Variants in GTF3C1 observed in about 807,000 individuals in gnomAD.
GTF3C1 encodes general transcription factor IIIC subunit 1, also known as general transcription factor 3C polypeptide 1.
Under a neutral mutation model 226.7 loss-of-function variants are expected in GTF3C1, and 57 were observed. That is an observed-to-expected ratio of 0.25 (90% CI 0.20 to 0.31). GTF3C1 has a LOEUF of 0.31. GTF3C1 is among the 10% of genes least tolerant of loss of function. The pLI, the probability that GTF3C1 is intolerant of heterozygous loss-of-function variation, is 1.00. For missense variants in GTF3C1, 2,217 were observed against 2,776.1 expected, an observed-to-expected ratio of 0.80 and a Z score of 4.53; for synonymous variants, 1,090 against 1,084.8, an observed-to-expected ratio of 1.00 and a Z score of -0.09.
At chr16:27,543,708 AG>A (rs1386740408) in intron 2 of GTF3C1, among the ~76,000 whole-genome samples, 1 of 152,156 alleles carries the variant, frequency 6.6e-6, no homozygotes, top group African/African-American at 2.4e-5. Flanking sequence ...AAGTGGTGGA[AG>A]GAAGTAGGTG....
chr16:27,482,775 G>A (rs946267843), intron 26 of GTF3C1, among the ~76,000 whole-genome samples: 1 of 152,200 alleles, frequency 6.6e-6, no homozygotes, highest in East Asian at 1.9e-4. Context: ...CTGAAGAAAT[G>A]TTCTATTTTC....
intron 9 of GTF3C1, among the ~76,000 whole-genome samples, chr16:27,506,344 T>C (rs745713600): frequency 6.6e-6 from 1 of 152,154 alleles, no homozygotes; most frequent in Non-Finnish European, 1.5e-5. Context: ...TTCTCTGCTG[T>C]CAGGGGCTGT....
chr16:27,508,464 C>G lies in GTF3C1; in HGVS notation c.1242+76G>C, dbSNP rs1303928838. The stretch of plus-strand genomic sequence containing the variant: ...GATGTCAGGCCATCGAGTCTTCTGA[C>G]TGAGATGCTCGTTCTCAAATACACT... On this transcript the variant is annotated intron_variant, in intron 8 of 36. Transcript: ENST00000356183. 3 of 1,156,748 alleles carry G rather than the reference C, an allele frequency of 2.6e-6. No individual in the cohort carries two copies. The Admixed American group carries it at 5.3e-5, about 20-fold the overall frequency. The allele number at this position is 1,156,748 out of a possible 1,614,324, so 71.7% of individuals were successfully genotyped here.
intron 6 of GTF3C1, among the ~76,000 whole-genome samples, chr16:27,522,958 T>TA (rs890585858): frequency 1.3e-5 from 2 of 152,158 alleles, no homozygotes; most frequent in African/African-American, 2.4e-5. Context: ...CTTTTTTTTT[T>TA]AGAGTCACAG....
At position 27,508,585 on chromosome 16, in the gene GTF3C1, T is replaced by C; in HGVS notation, c.1197A>G (p.Glu399=). Residue 399 remains glutamate (E), a synonymous_variant, in exon 8 of 37, where the codon GAA becomes GAG. Transcript: ENST00000356183. The part of the protein sequence containing the change: ...IRVAMNVGKL[E]ARMLCRLLQR... ...GAAGAAGTCGGCACAGCATTCTTGCTTCTAGTTTTCCCACATTCATAGCCA... is the reference window on the plus strand; with the variant it reads ...GAAGAAGTCGGCACAGCATTCTTGCCTCTAGTTTTCCCACATTCATAGCCA... The C allele has an allele frequency of 6.2e-7, 1 of 1,614,200 alleles. No homozygotes were observed. Among genetic ancestry groups the C allele is most frequent in the Non-Finnish European group, 8.5e-7 (1 of 1,180,012 alleles).
chr16:27,540,706 C>T (rs1289450415), intron 2 of GTF3C1, among the ~76,000 whole-genome samples: 1 of 152,198 alleles, frequency 6.6e-6, no homozygotes, highest in Non-Finnish European at 1.5e-5. Context: ...AATATGAGGT[C>T]ATAACTTCTC....
At chr16:27,528,751 T>C (rs1027551986) in intron 5 of GTF3C1, 30 bp from the exon 6 acceptor site, 3 of 1,606,324 alleles carry the variant, frequency 1.9e-6, no homozygotes, top group African/African-American at 1.3e-5. Context: ...AGGCTACTAT[T>C]AGACACAGCA....
chr16:27,489,778 C>T (rs1350519419), intron 19 of GTF3C1, 35 bp from the exon 20 acceptor site: 19 of 1,597,046 alleles, frequency 1.2e-5, no homozygotes, highest in Non-Finnish European at 1.6e-5. Context: ...CCAATCACGC[C>T]TTCCTGCTGC....
intron 4 of GTF3C1, among the ~76,000 whole-genome samples, chr16:27,535,848 CAAA>C (rs879337659): frequency 5.7e-5 from 8 of 139,218 alleles, no homozygotes. Context: ...AACTCCGTCT[CAAA>C]AAAAAAAAAG....
intron 16 of GTF3C1, 68 bp downstream of exon 16, chr16:27,494,695 G>T (rs1403960840): frequency 4.2e-6 from 5 of 1,179,636 alleles, no homozygotes; most frequent in African/African-American, 1.5e-5. Flanking sequence ...CCTTGCCCAG[G>T]TGAGTGTAGG....
rs2087734077 is a variant in GTF3C1 at position 27,463,464 on chromosome 16, A to ACCCTCAAAGT, written c.5924+76_5924+77insACTTTGAGGG. On this transcript the variant is annotated intron_variant, in intron 35 of 36. Transcript: ENST00000356183. The surrounding 1 kb of genome is among the most constrained non-coding windows in gnomAD (Gnocchi z 4.9). The stretch of plus-strand genomic sequence containing the variant: ...GGTACCTGGGGAAAGACCCTCAAAG[A>ACCCTCAAAGT]CCCTCACACAAATCCTTACACTCGG... 1 of 828,728 alleles carries ACCCTCAAAGT rather than the reference A, an allele frequency of 1.2e-6. No homozygotes were observed. The highest frequency in any genetic ancestry group is 1.4e-5 in the South Asian group (1 of 72,088). The allele number at this position is 828,728 out of a possible 1,614,324, so 51.3% of individuals were successfully genotyped here.
chr16:27,495,686 C>T (rs1045699702), intron 14 of GTF3C1, among the ~76,000 whole-genome samples, 194 bp from the exon 15 acceptor site: 2 of 152,176 alleles, frequency 1.3e-5, no homozygotes, highest in East Asian at 1.9e-4. Context: ...GCCCATCAGA[C>T]GAAAACAGCT....
At chr16:27,532,020 A>G (rs1481153990) in intron 5 of GTF3C1, among the ~76,000 whole-genome samples, 1 of 152,224 alleles carries the variant, frequency 6.6e-6, no homozygotes, top group African/African-American at 2.4e-5. Flanking sequence ...AGGTGACAGG[A>G]AGCAGGTGGA....
intron 27 of GTF3C1, among the ~76,000 whole-genome samples, chr16:27,479,387 G>A (rs1371874138): frequency 6.6e-6 from 1 of 151,950 alleles, no homozygotes; most frequent in East Asian, 1.9e-4. Context: ...TTAAGAATAA[G>A]TCATAGAACT....
Position 27,489,691 on chromosome 16 carries a change from G to T in GTF3C1, c.3204C>A (p.Ser1068Arg). 1 of 1,611,668 alleles carries T rather than the reference G, an allele frequency of 6.2e-7. No homozygotes were observed. The highest frequency in any genetic ancestry group is 8.5e-7 in the Non-Finnish European group (1 of 1,179,528). The change falls in exon 20 of 37, where the codon AGC (serine) becomes AGA (arginine). Residue 1068 changes from serine (S) to arginine (R), a missense_variant. Physicochemically the swap from Ser to Arg is moderately radical, Grantham distance 110. Around this residue, in one of 12 missense-constraint regions of GTF3C1, gnomAD observed 353 missense variants for 411.7 expected, o/e 0.86. Coordinates refer to ENST00000356183, the MANE Select transcript of GTF3C1 (RefSeq NM_001520.4). ...CCTTCTGCAGGCTGCCCTCCTCGTC[G>T]CTGCCCTGGTCTGTGCTGCTGTTCT... Reference protein sequence around the residue: ...VRKNSSTDQGSDEEGSLQKEQ... With the variant: ...VRKNSSTDQGRDEEGSLQKEQ...
At chr16:27,502,753 A>G in intron 11 of GTF3C1, 106 bp downstream of exon 11, 1 of 1,152,614 alleles carries the variant, frequency 8.7e-7, no homozygotes. Flanking sequence ...ACAGTGGGAC[A>G]GAGATTTGAA....
At chr16:27,509,436 G>A (rs551372818) in intron 7 of GTF3C1, among the ~76,000 whole-genome samples, 21 of 152,304 alleles carry the variant, frequency 1.4e-4, no homozygotes, top group African/African-American at 4.6e-4. Context: ...GGCAGACTTG[G>A]TTGCAAAGCT....
chr16:27,518,083 C>T (rs555018586), intron 6 of GTF3C1, among the ~76,000 whole-genome samples: 206 of 152,318 alleles, frequency 1.4e-3, no homozygotes, highest in Non-Finnish European at 2.6e-3. Context: ...ACGAACCCCA[C>T]GGCAGCTTTC....
chr16:27,538,252 C>G lies in GTF3C1; in HGVS notation c.536G>C (p.Cys179Ser). The G allele has an allele frequency of 6.2e-7, 1 of 1,611,624 alleles. No homozygotes were observed. The highest frequency in any genetic ancestry group is 8.5e-7 in the Non-Finnish European group (1 of 1,177,774). ...GGACCGGCCTAGCCGTTCCAGGATG[C>G]AGTAGGAGAAGTCGGGCAGCTTCAG... ...PDLKLPDFSY[C>S]ILERLGRSRW... The change falls in exon 3 of 37, where the codon TGC (cysteine) becomes TCC (serine). Residue 179 changes from cysteine to serine, a missense_variant. Around this residue, in one of 12 missense-constraint regions of GTF3C1, gnomAD observed 192 missense variants for 251.8 expected, o/e 0.76. Coordinates refer to ENST00000356183, the MANE Select transcript of GTF3C1 (RefSeq NM_001520.4).
Sources: gnomAD v4.1 joint callset for allele counts (sites outside exome capture counted in the v4.1 genomes callset) on GRCh38, gnomAD v4.1.1 for gene constraint, gnomAD v4.1.1 regional missense constraint, Gnocchi (gnomAD v3.1) non-coding constraint, MANE v1.5 for transcripts, NCBI Gene and HGNC (gene_info 2026-07-23, HGNC 2026-07-21) for gene names.